Variants in PCDHA11 observed in about 807,000 individuals in gnomAD.
The protein encoded by PCDHA11 is protocadherin alpha 11, also known as protocadherin alpha-11.
PCDHA11 carries 61 observed loss-of-function variants against 70.3 expected under a neutral mutation model. That is an observed-to-expected ratio of 0.87 (90% CI 0.71 to 1.07). The LOEUF (loss-of-function observed/expected upper bound fraction) is 1.07, where lower values mean the gene tolerates loss of function less well. Among genes scored for constraint, PCDHA11 ranks in the 50% least tolerant of loss-of-function variants. The probability of loss-of-function intolerance (pLI) is 0.00; values close to 1 mark genes in which losing one functional copy is unlikely to be tolerated. For synonymous variants in PCDHA11, 633 were observed against 555.1 expected (o/e 1.14, Z -1.97); for missense variants, 1,324 against 1,237.5 (o/e 1.07, Z -1.05).
intron 3 of PCDHA11, among the ~76,000 whole-genome samples, chr5:141,000,278 G>A (rs574420053): frequency 6.6e-6 from 1 of 151,194 alleles, no homozygotes; most frequent in South Asian, 2.1e-4. Flanking sequence ...GGGAGGCAGA[G>A]GTGGGAATAT....
intron 1 of PCDHA11, chr5:140,926,797 T>G: frequency 2.1e-6 from 3 of 1,450,476 alleles, no homozygotes; most frequent in Non-Finnish European, 1.8e-6. Flanking sequence ...AGGAGCGTGC[T>G]CTTCCCCGCG....
chr5:140,970,248 A>G (rs1385121881), intron 1 of PCDHA11, among the ~76,000 whole-genome samples: 1 of 152,142 alleles, frequency 6.6e-6, no homozygotes, highest in Non-Finnish European at 1.5e-5. Context: ...TTCTGTTGAC[A>G]GTTTCTATGG....
chr5:141,009,651 C>A lies in PCDHA11; in HGVS notation c.2564C>A (p.Pro855His). 1 of 1,613,950 alleles carries A rather than the reference C, an allele frequency of 6.2e-7. No individual in the cohort carries two copies. The highest frequency in any genetic ancestry group is 8.5e-7 in the Non-Finnish European group (1 of 1,179,936). Residue 855 changes from proline (P) to histidine (H), a missense_variant, in exon 4 of 4, where the codon CCT (proline) becomes CAT (histidine). By Grantham distance (77) the Pro-to-His change is moderately conservative. Coordinates refer to ENST00000398640, the MANE Select transcript of PCDHA11 (RefSeq NM_018902.5). Reference protein sequence around the residue: ...TPEPEAGEVSPPVGAGVNSNS... With the variant: ...TPEPEAGEVSHPVGAGVNSNS... ...GAACCAGAGGCAGGAGAAGTGTCCC[C>A]TCCAGTCGGTGCGGGTGTCAACAGC...
In PCDHA11 at chr5:140,982,208, G is replaced by A. The variant is rs146224628; in HGVS notation, c.2451-267G>A. 246 of 434,966 alleles carry A rather than the reference G, an allele frequency of 5.7e-4. 1 individual carries two copies. The highest frequency in any genetic ancestry group is 7.4e-4 in the Non-Finnish European group (200 of 268,658). 26.9% of individuals were successfully genotyped at this position (434,966 alleles called of 1,614,324 possible). ...GGGCTTCCTGTTAGATTTAGTGAGC[G>A]CCACATGGCGTTAATAAAAAACAGA... On this transcript the variant is annotated intron_variant, in intron 2 of 3. Coordinates refer to ENST00000398640, the MANE Select transcript of PCDHA11 (RefSeq NM_018902.5).
At chr5:140,916,688 C>G (rs1422583302) in intron 1 of PCDHA11, among the ~76,000 whole-genome samples, 3 of 152,180 alleles carry the variant, frequency 2.0e-5, no homozygotes, top group Admixed American at 6.5e-5. Flanking sequence ...TTACTCTTTT[C>G]TCTCCTCTCC....
At chr5:140,993,462 T>TCACACACA (rs3836747) in intron 3 of PCDHA11, among the ~76,000 whole-genome samples, 2,160 of 141,010 alleles carry the variant, frequency 0.015, 29 homozygotes, top group Admixed American at 0.024. Flanking sequence ...TCTTTCTTTC[T>TCACACACA]CACACACACA....
At chr5:140,982,191 T>G (rs1431582069) in intron 2 of PCDHA11, among the ~76,000 whole-genome samples, 1 of 152,266 alleles carries the variant, frequency 6.6e-6, no homozygotes, top group African/African-American at 2.4e-5. Context: ...ATGGGCTTCC[T>G]GTTAGATTTA....
intron 3 of PCDHA11, among the ~76,000 whole-genome samples, chr5:140,988,083 G>A (rs957131929): frequency 1.3e-5 from 2 of 152,292 alleles, no homozygotes; most frequent in Middle Eastern, 3.4e-3. Context: ...TCATGAGTGA[G>A]TGCAGCCTCG....
chr5:140,944,410 C>G (rs1339076109), intron 1 of PCDHA11, among the ~76,000 whole-genome samples: 1 of 152,272 alleles, frequency 6.6e-6, no homozygotes, highest in Middle Eastern at 3.4e-3. Flanking sequence ...TGGTCTCGAA[C>G]TCCTGATCTG....
chr5:140,870,792 A>G lies in PCDHA11; in HGVS notation c.1689A>G (p.Ala563=), dbSNP rs782032105. The G allele has an allele frequency of 3.1e-6, 5 of 1,613,658 alleles. No homozygotes were observed. Among genetic ancestry groups the G allele is most frequent in the East Asian group, 2.2e-5 (1 of 44,864 alleles). Residue 563 remains alanine, a synonymous_variant, in exon 1 of 4, where the codon GCA becomes GCG. Transcript: ENST00000398640. ...FVLDENDNAP[A]LLATQAGSAG... is the part of the protein sequence containing the mutation. ...TGGACGAGAACGACAACGCGCCGGCACTGCTGGCGACTCAGGCTGGCAGCG... is the reference window on the plus strand; with the variant it reads ...TGGACGAGAACGACAACGCGCCGGCGCTGCTGGCGACTCAGGCTGGCAGCG...
intron 1 of PCDHA11, among the ~76,000 whole-genome samples, chr5:140,917,324 C>CGGGGGG (rs1299895515): frequency 3.9e-5 from 3 of 76,174 alleles, no homozygotes; most frequent in East Asian, 7.2e-4. Flanking sequence ...GTTCATGTGG[C>CGGGGGG]GGGGGAGGGG....
At chr5:140,881,046 T>C (rs1554171694) in intron 1 of PCDHA11, among the ~76,000 whole-genome samples, 1 of 152,238 alleles carries the variant, frequency 6.6e-6, no homozygotes, top group African/African-American at 2.4e-5. Context: ...TATAGAGTTG[T>C]GCACAGAACA....
chr5:140,995,184 T>G (rs1382886542), intron 3 of PCDHA11, among the ~76,000 whole-genome samples: 3 of 152,168 alleles, frequency 2.0e-5, no homozygotes, highest in African/African-American at 7.2e-5. Flanking sequence ...GCACCTATGA[T>G]AAAGTTTAAT....
chr5:140,887,246 G>A (rs1346055055), intron 1 of PCDHA11, among the ~76,000 whole-genome samples: 2 of 151,778 alleles, frequency 1.3e-5, no homozygotes, highest in Non-Finnish European at 2.9e-5. Flanking sequence ...ACCGGCGCCC[G>A]CCACCACGCC....
In PCDHA11 at chr5:140,937,196, C is replaced by G. The variant is rs915023517; in HGVS notation, c.2392-41753C>G. On this transcript the variant is annotated intron_variant, in intron 1 of 3. Transcript: ENST00000398640. ...GGGACTACAGGCGCCCGCCACCATG[C>G]CCGGCTAATTTTTTGTATTTTTTGT... Among the ~76,000 whole-genome samples, 5 of 152,108 alleles carry G rather than the reference C, an allele frequency of 3.3e-5. No homozygotes were observed. In the East Asian group the frequency reaches 7.8e-4, roughly 24 times the overall value.
intron 1 of PCDHA11, among the ~76,000 whole-genome samples, chr5:140,893,817 C>G (rs951661016): frequency 6.6e-6 from 1 of 151,980 alleles, no homozygotes; most frequent in Admixed American, 6.6e-5. Flanking sequence ...AGTCTGGTAC[C>G]GTAGACTACT....
At chr5:140,959,317 A>G (rs1424960169) in intron 1 of PCDHA11, among the ~76,000 whole-genome samples, 3 of 152,078 alleles carry the variant, frequency 2.0e-5, no homozygotes, top group Non-Finnish European at 4.4e-5. Flanking sequence ...TGAAGCTGCA[A>G]TAAGTTTTGA....
intron 1 of PCDHA11, among the ~76,000 whole-genome samples, chr5:140,871,917 C>T (rs1156778814): frequency 2.0e-5 from 3 of 152,178 alleles, no homozygotes; most frequent in Admixed American, 2.0e-4. Context: ...CTTGATATTT[C>T]CACATTGTTA....
At chr5:140,959,583 A>G (rs529440681) in intron 1 of PCDHA11, among the ~76,000 whole-genome samples, 10 of 152,332 alleles carry the variant, frequency 6.6e-5, no homozygotes, top group Admixed American at 1.3e-4. Flanking sequence ...TTTCAATTCT[A>G]TCAGCCAAGT....
Sources: allele counts gnomAD v4.1 joint callset (sites outside exome capture counted in the v4.1 genomes callset), GRCh38; gene constraint gnomAD v4.1.1; transcripts MANE v1.5; gene names NCBI Gene and HGNC (gene_info 2026-07-23, HGNC 2026-07-21).